The following GSPT1 variants were observed in gnomAD, a reference collection of about 807,000 sequenced individuals.
The protein encoded by GSPT1 is G1 to S phase transition 1, also known as eukaryotic peptide chain release factor GTP-binding subunit ERF3A.
In GSPT1, 20 loss-of-function variants were observed where a neutral mutation model predicts 72.5. That is an observed-to-expected ratio of 0.28 (90% CI 0.19 to 0.40). GSPT1 has a LOEUF of 0.40. Ranked by LOEUF, GSPT1 falls within the 10% of genes least tolerant of loss-of-function variation. The pLI, the probability that GSPT1 is intolerant of heterozygous loss-of-function variation, is 1.00. For synonymous variants in GSPT1, 334 were observed against 293.5 expected, an observed-to-expected ratio of 1.14 and a Z score of -1.41; for missense variants, 580 against 811.9, an observed-to-expected ratio of 0.71 and a Z score of 3.47.
chr16:11,903,114 T>G (rs1455861450), intron 1 of GSPT1, among the ~76,000 whole-genome samples: 1 of 152,162 alleles, frequency 6.6e-6, no homozygotes, highest in Non-Finnish European at 1.5e-5. Context: ...AGTATGTCTG[T>G]TTTCTGTCTC....
intron 14 of GSPT1, among the ~76,000 whole-genome samples, chr16:11,875,223 A>G (rs1176338536): frequency 6.6e-6 from 1 of 152,024 alleles, no homozygotes; most frequent in East Asian, 1.9e-4. Context: ...GGAAAGGGAA[A>G]GGGAAAGGGA....
intron 1 of GSPT1, among the ~76,000 whole-genome samples, chr16:11,898,546 G>A (rs897666787): frequency 6.7e-6 from 1 of 149,564 alleles, no homozygotes; most frequent in African/African-American, 2.5e-5. Context: ...CCATCTCCCC[G>A]GTTCAAGCGA....
chr16:11,891,942 T>TGAGAA (rs958778875), intron 5 of GSPT1, among the ~76,000 whole-genome samples: 13 of 151,358 alleles, frequency 8.6e-5, no homozygotes, highest in Admixed American at 7.2e-4. Flanking sequence ...AATACTGGCA[T>TGAGAA]GAGAACCACC....
chr16:11,891,695 C>G (rs1274559183), intron 5 of GSPT1, among the ~76,000 whole-genome samples: 1 of 139,374 alleles, frequency 7.2e-6, no homozygotes, highest in Non-Finnish European at 1.5e-5. Flanking sequence ...CAGGGTCTCG[C>G]TCTGTCGCCT....
chr16:11,892,521 A>ATAAAT (rs1440366351), intron 5 of GSPT1, among the ~76,000 whole-genome samples: 56 of 127,756 alleles, frequency 4.4e-4, no homozygotes, highest in Middle Eastern at 3.8e-3. Context: ...AAACAAAAAA[A>ATAAAT]ACAAAAAAAA....
chr16:11,889,939 C>A (rs1409269356), intron 6 of GSPT1, among the ~76,000 whole-genome samples: 2 of 149,776 alleles, frequency 1.3e-5, no homozygotes, highest in Non-Finnish European at 3.0e-5. Context: ...CCGCGCCTGG[C>A]CCAATAAAAG....
In GSPT1 at chr16:11,897,186, T is replaced by C. The variant is rs549202461; in HGVS notation, c.437-401A>G. 5.9e-5 allele frequency among the ~76,000 whole-genome samples: 9 copies of C among 152,314 alleles called. No homozygotes were observed. In the East Asian group the frequency reaches 1.2e-3, roughly 20 times the overall value. On this transcript the variant is annotated intron_variant, in intron 3 of 14. Transcript: ENST00000434724. ...ATGAAAGGATTTAGGAAATATTTTCTTTTTCCTCTTAAACTAATAAAACTT... is the reference window on the plus strand; with the variant it reads ...ATGAAAGGATTTAGGAAATATTTTCCTTTTCCTCTTAAACTAATAAAACTT...
intron 1 of GSPT1, among the ~76,000 whole-genome samples, chr16:11,905,359 T>C (rs2054475106): frequency 6.6e-6 from 1 of 152,212 alleles, no homozygotes; most frequent in African/African-American, 2.4e-5. Context: ...TAAATTTAAA[T>C]AGCCACATGT....
rs1009332285 is a variant in GSPT1, at chr16:11,870,385, A to G, written c.*2734T>C. 2.0e-5 allele frequency: 3 copies of G among 152,260 alleles called. No individual in the cohort carries two copies. Among genetic ancestry groups the G allele is most frequent in the African/African-American group, 2.4e-5 (1 of 41,466 alleles). The allele number at this position is 152,260 out of a possible 1,614,324, so 9.4% of individuals were successfully genotyped here. A position where few individuals can be genotyped will look rare whatever the true frequency, so the allele number is the denominator to read the frequency against. ...ATTTAAAAAACTAAATAATCGCATG[A>G]AAGTTATATAAAGAACATCATTAAT... On this transcript the variant is annotated 3_prime_UTR_variant, in exon 15 of 15. Transcript: ENST00000434724.
chr16:11,893,991 C>T (rs1213084789), intron 5 of GSPT1, among the ~76,000 whole-genome samples: 1 of 150,892 alleles, frequency 6.6e-6, no homozygotes, highest in Admixed American at 6.6e-5. Flanking sequence ...ACCACCTCTA[C>T]AAAAAAACAC....
intron 13 of GSPT1, 30 bp from the exon 14 acceptor site, chr16:11,875,959 G>A (rs758194319): frequency 1.9e-6 from 3 of 1,580,508 alleles, no homozygotes; most frequent in Admixed American, 3.5e-5. Flanking sequence ...GAGAAAATCA[G>A]AATAATGCCA....
intron 1 of GSPT1, among the ~76,000 whole-genome samples, chr16:11,911,289 T>C (rs2054553393): frequency 6.6e-6 from 1 of 152,260 alleles, no homozygotes; most frequent in Admixed American, 6.5e-5. Flanking sequence ...ACTTCTGAGA[T>C]GTTCCAGCTT....
chr16:11,891,564 G>A (rs1441306937), intron 5 of GSPT1, among the ~76,000 whole-genome samples: 2 of 151,406 alleles, frequency 1.3e-5, no homozygotes, highest in Non-Finnish European at 1.5e-5. Flanking sequence ...GTTTCATTAC[G>A]TTGGCCAGGC....
intron 6 of GSPT1, 146 bp from the exon 7 acceptor site, chr16:11,887,896 G>A (rs2054203671): frequency 1.5e-6 from 1 of 657,898 alleles, no homozygotes; most frequent in Non-Finnish European, 2.6e-6. Flanking sequence ...CGGGTGCGGT[G>A]GCTCACATCT....
chr16:11,910,981 AG>A (rs1567453522), intron 1 of GSPT1, among the ~76,000 whole-genome samples: 1 of 152,184 alleles, frequency 6.6e-6, no homozygotes, highest in Admixed American at 6.5e-5. Context: ...CAAAAAGGTC[AG>A]CCATGGCAGG....
In GSPT1 at chr16:11,871,735, T is replaced by C. The variant is rs917899919; in HGVS notation, c.*1384A>G. On this transcript the variant is annotated 3_prime_UTR_variant, in exon 15 of 15. Coordinates refer to ENST00000434724, the MANE Select transcript of GSPT1 (RefSeq NM_002094.4). ...ATCACAATCTAAAAGAGGCTATCTTTGATCAATGGCAACACTCAACATCAA... is the reference window on the plus strand; with the variant it reads ...ATCACAATCTAAAAGAGGCTATCTTCGATCAATGGCAACACTCAACATCAA... 6.6e-6 allele frequency: 1 copy of C among 152,204 alleles called. No individual in the cohort carries two copies. Among genetic ancestry groups the C allele is most frequent in the Non-Finnish European group, 1.5e-5 (1 of 68,034 alleles). The allele number at this position is 152,204 out of a possible 1,614,324, so 9.4% of individuals were successfully genotyped here.
In GSPT1 at chr16:11,872,900, G is replaced by A; in HGVS notation, c.*219C>T. 2.4e-6 allele frequency: 1 copy of A among 423,584 alleles called. No homozygotes were observed. The highest frequency in any genetic ancestry group is 7.7e-5 in the South Asian group (1 of 13,018). 26.2% of individuals were successfully genotyped at this position (423,584 alleles called of 1,614,324 possible). Reference sequence around the variant, plus strand: ...TGTCCAAGGAAGCAGAGTTTGAAGTGAGGGCTAGGGACAGGAATCTTGGGA... The same window carrying A: ...TGTCCAAGGAAGCAGAGTTTGAAGTAAGGGCTAGGGACAGGAATCTTGGGA... On this transcript the variant is annotated 3_prime_UTR_variant, in exon 15 of 15. Transcript: ENST00000434724.
chr16:11,892,846 A>G (rs1424747183), intron 5 of GSPT1, among the ~76,000 whole-genome samples: 2 of 149,548 alleles, frequency 1.3e-5, no homozygotes, highest in African/African-American at 4.9e-5. Context: ...AAAAAAAAAA[A>G]AAAAAAAAAG....
intron 5 of GSPT1, among the ~76,000 whole-genome samples, chr16:11,893,092 TG>T (rs1342681956): frequency 6.6e-6 from 1 of 151,800 alleles, no homozygotes; most frequent in Non-Finnish European, 1.5e-5. Flanking sequence ...TGTTTTTGTT[TG>T]TTTTTTTTAA....
Sources: allele counts gnomAD v4.1 joint callset (sites outside exome capture counted in the v4.1 genomes callset), GRCh38; gene constraint gnomAD v4.1.1; transcripts MANE v1.5; gene names NCBI Gene and HGNC (gene_info 2026-07-23, HGNC 2026-07-21).